CP: variants seen among roughly 807,000 people sequenced by gnomAD.
CP encodes the protein caeruloplasmin.
Under a neutral mutation model 122.4 loss-of-function variants are expected in CP, and 64 were observed. The observed-to-expected ratio is 0.52, with a 90% CI of 0.43 to 0.64. The LOEUF is 0.64. CP is among the 30% of genes least tolerant of loss of function. The pLI is 0.00. For synonymous variants in CP, 440 were observed against 436.4 expected (o/e 1.01, Z -0.10); for missense variants, 1,167 against 1,284.4 (o/e 0.91, Z 1.40).
At chr3:149,213,845 G>T (rs1264196175) in intron 1 of CP, among the ~76,000 whole-genome samples, 1 of 152,174 alleles carries the variant, frequency 6.6e-6, no homozygotes, top group Non-Finnish European at 1.5e-5. Context: ...AGCAGAGCTT[G>T]TGTGAGAGCT....
chr3:149,184,357 C>T (rs1726009672), intron 12 of CP, among the ~76,000 whole-genome samples: 1 of 152,024 alleles, frequency 6.6e-6, no homozygotes, highest in East Asian at 1.9e-4. Flanking sequence ...CTTCTAATGG[C>T]AGCTGTAGCC....
At chr3:149,171,610 A>C (rs967469381), downstream of CP, among the ~76,000 whole-genome samples, 2 of 152,212 alleles carry the variant, frequency 1.3e-5, no homozygotes. Flanking sequence ...AGTAAGGAAA[A>C]ATAAGTTACA....
chr3:149,207,744 C>T lies in CP; in HGVS notation c.782-127G>A, dbSNP rs565508876. Reference sequence around the variant, plus strand: ...GGCACACATGCTGGTATTCTTGCCCCCTATACTCATGTCAGACATTGCTAA... The same window carrying T: ...GGCACACATGCTGGTATTCTTGCCCTCTATACTCATGTCAGACATTGCTAA... On this transcript the variant is annotated intron_variant, in intron 4 of 18. Transcript: ENST00000264613. 32 of 911,090 alleles carry T rather than the reference C, an allele frequency of 3.5e-5. No homozygotes were observed. The South Asian group carries it at 4.3e-4, about 12-fold the overall frequency. The allele number at this position is 911,090 out of a possible 1,614,324, so 56.4% of individuals were successfully genotyped here. A position where few individuals can be genotyped will look rare whatever the true frequency, so the allele number is the denominator to read the frequency against.
intron 10 of CP, 76 bp from the exon 11 acceptor site, chr3:149,186,808 C>A: frequency 7.1e-7 from 1 of 1,408,086 alleles, no homozygotes; most frequent in Non-Finnish European, 1.0e-6. Context: ...CTTTCCAGGA[C>A]CAACTTTGTT....
chr3:149,206,902 T>C lies in CP; in HGVS notation c.1036+461A>G, dbSNP rs572191407. Reference sequence around the variant, plus strand: ...TCAGTAGACCAATATTAAAAACTAATATTTTTCAAGAACAAGGAATGTTTT... The same window carrying C: ...TCAGTAGACCAATATTAAAAACTAACATTTTTCAAGAACAAGGAATGTTTT... On this transcript the variant is annotated intron_variant, in intron 5 of 18. Coordinates refer to ENST00000264613, the MANE Select transcript of CP (RefSeq NM_000096.4). Among the ~76,000 whole-genome samples, 3 of 152,308 alleles carry C rather than the reference T, an allele frequency of 2.0e-5. No individual in the cohort carries two copies. The South Asian group carries it at 6.2e-4, about 32-fold the overall frequency.
chr3:149,178,041 A>G (rs1047692900), intron 16 of CP, 62 bp from the exon 17 acceptor site: 32 of 1,432,806 alleles, frequency 2.2e-5, no homozygotes, highest in South Asian at 2.1e-4. Context: ...AGCTATTTCA[A>G]AGAAAATATG....
intron 9 of CP, among the ~76,000 whole-genome samples, chr3:149,194,358 C>A (rs1329593864): frequency 2.6e-5 from 4 of 151,948 alleles, no homozygotes; most frequent in Non-Finnish European, 5.9e-5. Flanking sequence ...TGTGCCTCAG[C>A]CTCCTGAGTA....
chr3:149,218,554 G>C (rs1199681842), intron 1 of CP, among the ~76,000 whole-genome samples: 1 of 152,080 alleles, frequency 6.6e-6, no homozygotes, highest in Non-Finnish European at 1.5e-5. Flanking sequence ...AGTGTTTTCA[G>C]TTGCACTAAC....
intron 7 of CP, among the ~76,000 whole-genome samples, chr3:149,201,758 G>A (rs1727338848): frequency 6.6e-6 from 1 of 151,970 alleles, no homozygotes; most frequent in Non-Finnish European, 1.5e-5. Context: ...ACCACGCCCT[G>A]CTAATTTTTG....
In CP at chr3:149,210,160, G is replaced by A; in HGVS notation, c.607+7C>T. ...CATATAGCATGTGCAATAAGGAGAA[G>A]ATGTACCTTTTTTACAGATTATTAA... On this transcript the variant is annotated splice_region_variant and intron_variant, in intron 3 of 18. Transcript: ENST00000264613. 5 of 1,613,310 alleles carry A rather than the reference G, an allele frequency of 3.1e-6. No homozygotes were observed. The highest frequency in any genetic ancestry group is 4.2e-6 in the Non-Finnish European group (5 of 1,179,336).
In CP at chr3:149,213,634, GTGTGT is replaced by G. The variant is rs1728263472; in HGVS notation, c.147-941_147-937del. Among the ~76,000 whole-genome samples, 12 of 3,790 alleles carry G rather than the reference GTGTGT, an allele frequency of 3.2e-3. No homozygotes were observed. In the East Asian group the frequency reaches 0.15, roughly 49 times the overall value. The allele number at this position is 3,790 out of a possible 152,430, so 2.5% of individuals were successfully genotyped here. A position where few individuals can be genotyped will look rare whatever the true frequency, so the allele number is the denominator to read the frequency against. ...ATAAAAACTGCTCATCATCATGGGT[GTGTGT>G]GTGTGTGTGTGTGTGTGTGTGTGTG... On this transcript the variant is annotated intron_variant, in intron 1 of 18. Coordinates refer to ENST00000264613, the MANE Select transcript of CP (RefSeq NM_000096.4).
Position 149,209,019 on chromosome 3 carries a change from A to G in CP, c.781+192T>C, listed in dbSNP as rs548371114. Among the ~76,000 whole-genome samples, 544 of 152,306 alleles carry G rather than the reference A, an allele frequency of 3.6e-3. 1 individual carries two copies. Among genetic ancestry groups the G allele is most frequent in the Middle Eastern group, 0.017 (5 of 294 alleles). ...ACCAGTTGGGGAACAAGTTTGGTGT[A>G]TCTGGCTTTACCTGGCTTAGAGTTT... is the stretch of plus-strand genomic sequence containing the variant. On this transcript the variant is annotated intron_variant, in intron 4 of 18. Coordinates refer to ENST00000264613, the MANE Select transcript of CP (RefSeq NM_000096.4).
chr3:149,167,272 G>A, intron 4 of CP: 1 of 1,538,896 alleles, frequency 6.5e-7, no homozygotes, highest in Non-Finnish European at 8.9e-7. Flanking sequence ...TTTTAGGCTT[G>A]ATCAGTGATA....
chr3:149,178,774 G>A (rs1362395538), intron 15 of CP, 143 bp from the exon 16 acceptor site: 4 of 663,654 alleles, frequency 6.0e-6, no homozygotes, highest in Admixed American at 2.5e-5. Context: ...TGCCAATTTA[G>A]TAACTTTTCA....
At chr3:149,188,490 C>CAAAAAAAAAAAAAAAAAAAA (rs60815739) in intron 9 of CP, among the ~76,000 whole-genome samples, 4 of 46,102 alleles carry the variant, frequency 8.7e-5, no homozygotes, top group Non-Finnish European at 1.8e-4. Flanking sequence ...TTGAAGCCTC[C>CAAAAAAAAAAAAAAAAAAAA]AAAAAAAAAA....
At chr3:149,162,617 T>C (rs771525748) in exon 6 of CP, 1 of 1,470,960 alleles carries the variant, frequency 6.8e-7, no homozygotes, top group African/African-American at 1.4e-5. Flanking sequence ...GATGCTGTGA[T>C]ATTCAGCCCA....
chr3:149,183,327 T>A, intron 13 of CP, 139 bp downstream of exon 13: 1 of 749,104 alleles, frequency 1.3e-6, no homozygotes, highest in South Asian at 1.7e-5. Flanking sequence ...TTTCATTAGA[T>A]AACTAATTTT....
intron 14 of CP, among the ~76,000 whole-genome samples, chr3:149,181,215 G>A (rs1038237900): frequency 6.6e-6 from 1 of 152,108 alleles, no homozygotes; most frequent in Non-Finnish European, 1.5e-5. Context: ...CTCATCTCTA[G>A]CATTCTGTCC....
At chr3:149,162,422 T>C in exon 6 of CP, 1 of 1,262,252 alleles carries the variant, frequency 7.9e-7, no homozygotes, top group East Asian at 2.4e-5. Flanking sequence ...AGTTTTTCAT[T>C]TGTTTGTTTA....
Sources: gnomAD v4.1 joint callset for allele counts (sites outside exome capture counted in the v4.1 genomes callset) on GRCh38, gnomAD v4.1.1 for gene constraint, MANE v1.5 for transcripts, NCBI Gene and HGNC (gene_info 2026-07-23, HGNC 2026-07-21) for gene names.